ANAPC10: variants seen among roughly 807,000 people sequenced by gnomAD.
ANAPC10 encodes the protein anaphase promoting complex subunit 10.
ANAPC10 carries 12 observed loss-of-function variants against 22.0 expected under a neutral mutation model. The observed-to-expected ratio is 0.55, with a 90% confidence interval of 0.35 to 0.88. ANAPC10 has a LOEUF of 0.88. ANAPC10 is among the 40% of genes least tolerant of loss of function. ANAPC10 has a pLI of 0.01. For missense variants in ANAPC10, 188 were observed against 220.9 expected (o/e 0.85, Z 0.94); for synonymous variants, 65 against 69.5 (o/e 0.94, Z 0.32).
At chr4:145,008,223 C>A (rs965417143) in intron 4 of ANAPC10, among the ~76,000 whole-genome samples, 5 of 152,124 alleles carry the variant, frequency 3.3e-5, no homozygotes, top group African/African-American at 1.2e-4. Flanking sequence ...AAGTCCAGGA[C>A]CAGATGGATT....
intron 3 of ANAPC10, among the ~76,000 whole-genome samples, chr4:145,073,745 T>C (rs1389340477): frequency 6.6e-6 from 1 of 152,112 alleles, no homozygotes; most frequent in Non-Finnish European, 1.5e-5. Context: ...AACTTTTCAA[T>C]ATTTTTCTCA....
intron 4 of ANAPC10, among the ~76,000 whole-genome samples, chr4:145,008,561 T>C (rs1733788594): frequency 6.6e-6 from 1 of 151,916 alleles, no homozygotes; most frequent in Non-Finnish European, 1.5e-5. Context: ...TAATCCATCA[T>C]ATAAACAGAA....
At chr4:145,039,333 A>G (rs1739141484) in intron 4 of ANAPC10, among the ~76,000 whole-genome samples, 1 of 152,258 alleles carries the variant, frequency 6.6e-6, no homozygotes, top group Non-Finnish European at 1.5e-5. Flanking sequence ...TGACTTCAAT[A>G]TAATCTAAAT....
chr4:145,009,348 G>A (rs1021943061), intron 4 of ANAPC10, among the ~76,000 whole-genome samples: 3 of 151,924 alleles, frequency 2.0e-5, no homozygotes, highest in Non-Finnish European at 4.4e-5. Flanking sequence ...AGTTCATATG[G>A]AACCAAAAAA....
At chr4:145,045,071 A>G (rs1370416163) in intron 4 of ANAPC10, among the ~76,000 whole-genome samples, 1 of 152,070 alleles carries the variant, frequency 6.6e-6, no homozygotes, top group Non-Finnish European at 1.5e-5. Context: ...AGATGCAGAA[A>G]GCACTAATAC....
At chr4:145,067,459 T>C (rs1424647472) in intron 3 of ANAPC10, among the ~76,000 whole-genome samples, 2 of 152,162 alleles carry the variant, frequency 1.3e-5, no homozygotes, top group Non-Finnish European at 2.9e-5. Flanking sequence ...CGCTTTCTCC[T>C]GAGAAAGAGC....
intron 4 of ANAPC10, among the ~76,000 whole-genome samples, chr4:145,016,342 C>T (rs1181831194): frequency 1.3e-5 from 2 of 152,026 alleles, no homozygotes; most frequent in African/African-American, 2.4e-5. Flanking sequence ...AAACAGAGAG[C>T]CAAATCATGA....
chr4:145,086,140 T>C (rs1746863878), intron 2 of ANAPC10, among the ~76,000 whole-genome samples: 1 of 152,188 alleles, frequency 6.6e-6, no homozygotes, highest in Non-Finnish European at 1.5e-5. Flanking sequence ...TTTTTGTATT[T>C]TTAGTGGAGA....
chr4:145,080,893 G>A (rs1745909248), intron 3 of ANAPC10, among the ~76,000 whole-genome samples: 1 of 120,416 alleles, frequency 8.3e-6, no homozygotes, highest in Admixed American at 9.9e-5. Flanking sequence ...GGCAACAAGA[G>A]CAAAACTCCA....
chr4:145,024,402 AGCTAAT>A (rs1361974304), intron 4 of ANAPC10, among the ~76,000 whole-genome samples: 4 of 152,210 alleles, frequency 2.6e-5, no homozygotes, highest in Non-Finnish European at 4.4e-5. Context: ...TCACTATGGC[AGCTAAT>A]GCCTTATGAA....
At chr4:145,023,135 C>T (rs1317376404) in intron 4 of ANAPC10, among the ~76,000 whole-genome samples, 2 of 151,868 alleles carry the variant, frequency 1.3e-5, no homozygotes, top group Non-Finnish European at 2.9e-5. Context: ...CCAATTGTAC[C>T]AATGACTGTC....
chr4:145,058,895 A>AT (rs1241510951), intron 4 of ANAPC10, among the ~76,000 whole-genome samples: 4 of 152,164 alleles, frequency 2.6e-5, no homozygotes, highest in Non-Finnish European at 1.5e-5. Flanking sequence ...AGAAGGTAAC[A>AT]TTTTTTGGCC....
intron 2 of ANAPC10, among the ~76,000 whole-genome samples, chr4:145,083,852 TA>T (rs1746462017): frequency 6.6e-6 from 1 of 152,198 alleles, no homozygotes; most frequent in Non-Finnish European, 1.5e-5. Context: ...CCTGATAGAT[TA>T]AAAAAATTGT....
intron 4 of ANAPC10, among the ~76,000 whole-genome samples, chr4:145,016,323 A>T (rs192139109): frequency 6.6e-6 from 1 of 152,188 alleles, no homozygotes; most frequent in South Asian, 2.1e-4. Context: ...TTATACACCA[A>T]TAACAAACAA....
chr4:145,030,852 G>T (rs147110974), intron 4 of ANAPC10, among the ~76,000 whole-genome samples: 2 of 152,198 alleles, frequency 1.3e-5, no homozygotes, highest in Non-Finnish European at 2.9e-5. Context: ...CTTGAAGGAC[G>T]TGGGGGTGGT....
At chr4:145,066,044 T>G (rs1159621202) in intron 3 of ANAPC10, among the ~76,000 whole-genome samples, 2 of 152,148 alleles carry the variant, frequency 1.3e-5, no homozygotes, top group Non-Finnish European at 2.9e-5. Flanking sequence ...ACATGTGCTT[T>G]AAAAGTTAAG....
chr4:145,052,098 G>C (rs1045105325), intron 4 of ANAPC10, among the ~76,000 whole-genome samples: 6 of 152,172 alleles, frequency 3.9e-5, no homozygotes, highest in African/African-American at 1.4e-4. Flanking sequence ...ATGGTTACCT[G>C]GGGCTGGGAG....
intron 4 of ANAPC10, among the ~76,000 whole-genome samples, chr4:145,016,148 G>C (rs919131518): frequency 6.6e-6 from 1 of 152,038 alleles, no homozygotes; most frequent in African/African-American, 2.4e-5. Flanking sequence ...AGAAATAAAG[G>C]GTATTCAATT....
At chr4:145,058,570 A>C (rs926977872) in intron 4 of ANAPC10, among the ~76,000 whole-genome samples, 8 of 152,202 alleles carry the variant, frequency 5.3e-5, no homozygotes, top group African/African-American at 1.9e-4. Flanking sequence ...CCTGGCACTT[A>C]GCAGGCCCTA....
Sources: gnomAD v4.1 joint callset for allele counts (sites outside exome capture counted in the v4.1 genomes callset) on GRCh38, gnomAD v4.1.1 for gene constraint, MANE v1.5 for transcripts, NCBI Gene and HGNC (gene_info 2026-07-23, HGNC 2026-07-21) for gene names.